RALYL: variants seen among roughly 807,000 people sequenced by gnomAD.
RALYL encodes RALY RNA binding protein like, also known as RNA-binding Raly-like protein.
A neutral mutation model predicts 35.1 loss-of-function variants in RALYL; 29 were observed. The ratio of observed to expected loss-of-function variants is 0.83; its 90% CI spans 0.61 to 1.13. The LOEUF is 1.13. Ranked by LOEUF, RALYL falls within the 50% of genes most tolerant of loss-of-function variation. The pLI, the probability that RALYL is intolerant of heterozygous loss-of-function variation, is 0.00. For missense variants in RALYL, 359 were observed against 360.4 expected (o/e 1.00, Z 0.03); for synonymous variants, 120 against 127.6 (o/e 0.94, Z 0.40).
Position 84,503,221 on chromosome 8 carries a change from C to T in RALYL, c.-23-26078C>T, listed in dbSNP as rs948763872. On this transcript the variant is annotated intron_variant, in intron 1 of 8. Transcript: ENST00000521268. The stretch of plus-strand genomic sequence containing the variant: ...AGAGTGCAGTGGTAGGATCATAGCT[C>T]GCTGCAGCCTCAAACTCCTGAGCTC... 5.9e-5 allele frequency among the ~76,000 whole-genome samples: 9 copies of T among 151,938 alleles called. 1 individual carries two copies. The highest frequency in any genetic ancestry group is 6.6e-5 in the Admixed American group (1 of 15,240).
At chr8:84,499,247 C>T (rs2056414025) in intron 1 of RALYL, among the ~76,000 whole-genome samples, 1 of 151,958 alleles carries the variant, frequency 6.6e-6, no homozygotes, top group Admixed American at 6.6e-5. Flanking sequence ...TCCCTCGCGC[C>T]TTTATCATTT....
chr8:84,215,872 C>T (rs79870596), intron 1 of RALYL, among the ~76,000 whole-genome samples: 1,989 of 152,182 alleles, frequency 0.013, 35 homozygotes, highest in African/African-American at 0.044. Context: ...CAAACAACAA[C>T]GAATGCTACA....
At chr8:84,788,005 A>G (rs1442608655) in intron 3 of RALYL, among the ~76,000 whole-genome samples, 1 of 152,200 alleles carries the variant, frequency 6.6e-6, no homozygotes, top group Non-Finnish European at 1.5e-5. Context: ...TTAGCTGTGC[A>G]GAAGCTCTTT....
chr8:84,250,024 C>T (rs977859), intron 1 of RALYL, among the ~76,000 whole-genome samples: 65,844 of 151,472 alleles, frequency 0.43, 14,473 homozygotes, highest in East Asian at 0.53. Flanking sequence ...TAATTTTATT[C>T]GTGTTTCAGA....
intron 8 of RALYL, among the ~76,000 whole-genome samples, chr8:84,907,972 G>C (rs1026708475): frequency 1.1e-4 from 17 of 152,014 alleles, no homozygotes; most frequent in Non-Finnish European, 2.2e-4. Context: ...GACAGTACTA[G>C]AGAAATGTTA....
rs541064163 is a variant in RALYL, at chr8:84,747,260, T to TA, written c.257-27309dup. On this transcript the variant is annotated intron_variant, in intron 2 of 8. Transcript: ENST00000521268. The stretch of plus-strand genomic sequence containing the variant: ...GCAGCATCCAGCAGAATGTTTTATG[T>TA]AAAAAAAAAATGGTGCTAATAAGTG... 4.9e-3 allele frequency among the ~76,000 whole-genome samples: 726 copies of TA among 148,616 alleles called. 5 individuals are homozygous for TA. The highest frequency in any genetic ancestry group is 0.013 in the African/African-American group (539 of 40,748).
chr8:84,690,309 A>G lies in RALYL; in HGVS notation c.257-84270A>G, dbSNP rs184003626. Among the ~76,000 whole-genome samples the G allele has an allele frequency of 1.1e-3, 175 of 152,300 alleles. 2 individuals carry two copies. The highest frequency in any genetic ancestry group is 1.2e-3 in the Non-Finnish European group (79 of 68,022). On this transcript the variant is annotated intron_variant, in intron 2 of 8. Coordinates refer to ENST00000521268, the MANE Select transcript of RALYL (RefSeq NM_173848.7). ...AGACAAATACTACATGATCTCATTT[A>G]CATGTGGAATCTAAAAAAATCAAAT...
At chr8:84,903,162 T>C (rs1361484637) in intron 8 of RALYL, among the ~76,000 whole-genome samples, 1 of 152,160 alleles carries the variant, frequency 6.6e-6, no homozygotes, top group East Asian at 1.9e-4. Flanking sequence ...GACACTCTTT[T>C]GAGGAATTCT....
At chr8:84,230,965 C>G (rs561303942) in intron 1 of RALYL, among the ~76,000 whole-genome samples, 2 of 152,308 alleles carry the variant, frequency 1.3e-5, no homozygotes, top group South Asian at 4.1e-4. Context: ...CACATATGTA[C>G]GGAGCCTCTA....
intron 1 of RALYL, among the ~76,000 whole-genome samples, chr8:84,370,622 G>A (rs16912721): frequency 0.018 from 2,782 of 152,106 alleles, 84 homozygotes; most frequent in African/African-American, 0.063. Flanking sequence ...AGCAGAAAAA[G>A]GCAGTGTGCA....
chr8:84,774,798 A>G lies in RALYL; in HGVS notation c.332+144A>G, dbSNP rs1586152884. 7.9e-6 allele frequency: 5 copies of G among 636,072 alleles called. No homozygotes were observed. In the East Asian group the frequency reaches 1.4e-4, roughly 18 times the overall value. 39.4% of individuals were successfully genotyped at this position (636,072 alleles called of 1,614,324 possible). A position where few individuals can be genotyped will look rare whatever the true frequency, so the allele number is the denominator to read the frequency against. ...TACAACAAATGTTGTTGGTCAACAT[A>G]TAAATATATCTTGCTGCATTGGCAA... On this transcript the variant is annotated intron_variant, in intron 3 of 8. Transcript: ENST00000521268.
At chr8:84,478,510 A>G (rs1274882456) in intron 1 of RALYL, among the ~76,000 whole-genome samples, 2 of 152,200 alleles carry the variant, frequency 1.3e-5, no homozygotes, top group East Asian at 3.9e-4. Flanking sequence ...AATACTAAGC[A>G]GTCCATGGAT....
intron 1 of RALYL, among the ~76,000 whole-genome samples, chr8:84,439,035 G>A (rs749642988): frequency 3.3e-5 from 5 of 151,640 alleles, no homozygotes; most frequent in Non-Finnish European, 7.4e-5. Context: ...CTTCAGCTTT[G>A]TTTTGTTTTG....
intron 1 of RALYL, among the ~76,000 whole-genome samples, chr8:84,287,104 C>A (rs1270986239): frequency 6.6e-6 from 1 of 152,106 alleles, no homozygotes; most frequent in Admixed American, 6.6e-5. Context: ...CAGTGAGGTG[C>A]CTGGAATTTC....
intron 1 of RALYL, among the ~76,000 whole-genome samples, chr8:84,211,643 G>C (rs1420994257): frequency 6.6e-6 from 1 of 152,106 alleles, no homozygotes; most frequent in South Asian, 2.1e-4. Context: ...CATGTACCTT[G>C]ATCCAAAATT....
chr8:84,583,376 A>G (rs1811279981), intron 2 of RALYL, among the ~76,000 whole-genome samples: 1 of 152,174 alleles, frequency 6.6e-6, no homozygotes, highest in Admixed American at 6.5e-5. Context: ...GGATCAGATA[A>G]TAAAATCTAA....
intron 1 of RALYL, among the ~76,000 whole-genome samples, chr8:84,289,563 G>T (rs1405493759): frequency 1.3e-5 from 2 of 152,022 alleles, no homozygotes; most frequent in Non-Finnish European, 2.9e-5. Flanking sequence ...TCTCCCACTA[G>T]TAGAGTATGA....
chr8:84,316,500 T>G (rs1188722392), intron 1 of RALYL, among the ~76,000 whole-genome samples: 1 of 152,148 alleles, frequency 6.6e-6, no homozygotes. Flanking sequence ...GTACTTTTCT[T>G]TGTTGTTACA....
At chr8:84,764,315 A>G (rs1420241232) in intron 2 of RALYL, among the ~76,000 whole-genome samples, 1 of 152,230 alleles carries the variant, frequency 6.6e-6, no homozygotes, top group Non-Finnish European at 1.5e-5. Context: ...CCCAAACTTT[A>G]GCATGGCACC....
Sources: gnomAD v4.1 joint callset for allele counts (sites outside exome capture counted in the v4.1 genomes callset) on GRCh38, gnomAD v4.1.1 for gene constraint, MANE v1.5 for transcripts, NCBI Gene and HGNC (gene_info 2026-07-23, HGNC 2026-07-21) for gene names.